HACD1: variants seen among roughly 807,000 people sequenced by gnomAD.
HACD1 encodes the protein very-long-chain (3R)-3-hydroxyacyl-CoA dehydratase 1.
HACD1 carries 41 observed loss-of-function variants against 32.0 expected under a neutral mutation model. That is an observed-to-expected ratio of 1.28 (90% confidence interval 1.00 to 1.66). The LOEUF (loss-of-function observed/expected upper bound fraction) is 1.66, where lower values mean the gene tolerates loss of function less well. Ranked by LOEUF, HACD1 falls within the 40% of genes most tolerant of loss-of-function variation. HACD1 has a pLI of 0.00. For synonymous variants in HACD1, 142 were observed against 139.0 expected, an observed-to-expected ratio of 1.02 and a Z score of -0.15; for missense variants, 396 against 380.1, an observed-to-expected ratio of 1.04 and a Z score of -0.35.
At chr10:17,616,978 C>T in intron 1 of HACD1, 105 bp downstream of exon 1, 6 of 1,204,648 alleles carry the variant, frequency 5.0e-6, no homozygotes, top group Non-Finnish European at 6.3e-6. Flanking sequence ...CGGCCGCTGC[C>T]CGCACCCCCC....
chr10:17,602,196 T>A (rs1588988288), intron 4 of HACD1, among the ~76,000 whole-genome samples: 1 of 151,884 alleles, frequency 6.6e-6, no homozygotes, highest in South Asian at 2.1e-4. Flanking sequence ...CAGCCTCCCG[T>A]GTAGCTGGGA....
At chr10:17,612,105 CAAAAA>C (rs34058469) in intron 1 of HACD1, among the ~76,000 whole-genome samples, 1 of 105,112 alleles carries the variant, frequency 9.5e-6, no homozygotes, top group Admixed American at 1.0e-4. Flanking sequence ...AACTCCATCT[CAAAAA>C]AAAAAAAAAA....
intron 1 of HACD1, among the ~76,000 whole-genome samples, chr10:17,609,145 T>C (rs1466293690): frequency 6.7e-6 from 1 of 148,212 alleles, no homozygotes; most frequent in Non-Finnish European, 1.5e-5. Context: ...AGAAAAAAAA[T>C]GTGCAAAAGG....
intron 5 of HACD1, among the ~76,000 whole-genome samples, chr10:17,597,901 C>T (rs1288773562): frequency 1.3e-5 from 2 of 152,024 alleles, no homozygotes; most frequent in Non-Finnish European, 2.9e-5. Context: ...AGTATCTCAT[C>T]ATATACAAAG....
Position 17,617,251 on chromosome 10 carries a change from G to C in HACD1, c.89C>G (p.Ser30Cys). 1 of 1,480,198 alleles carries C rather than the reference G, an allele frequency of 6.8e-7. No individual in the cohort carries two copies. Among genetic ancestry groups the C allele is most frequent in the Non-Finnish European group, 8.9e-7 (1 of 1,121,002 alleles). The allele number at this position is 1,480,198 out of a possible 1,614,324, so 91.7% of individuals were successfully genotyped here. Residue 30 changes from serine to cysteine, a missense_variant, in exon 1 of 7, where the codon TCT (serine) becomes TGT (cysteine). Physicochemically the swap from Ser to Cys is moderately radical, Grantham distance 112. Transcript: ENST00000361271. ...GGCCGCGCACCTGGGGGACGTGGGA[G>C]ACAGCGGCAGGAGCGTGGGAGGGGA... ...AGSPPTLLPL[S>C]PTSPRCAATM... is the part of the protein sequence containing the mutation.
rs1365734062 is a variant in HACD1 at position 17,589,135 on chromosome 10, C to A, written c.*1229G>T. ...GAAAGGAGTCTGTCCAAAGATCATACCCCAAAATGTTTAGTTACCTAAGTA... is the reference window on the plus strand; with the variant it reads ...GAAAGGAGTCTGTCCAAAGATCATAACCCAAAATGTTTAGTTACCTAAGTA... On this transcript the variant is annotated 3_prime_UTR_variant, in exon 7 of 7. Transcript: ENST00000361271. The A allele has an allele frequency of 6.6e-6, 1 of 152,064 alleles. No homozygotes were observed. The highest frequency in any genetic ancestry group is 1.5e-5 in the Non-Finnish European group (1 of 68,018). 9.4% of individuals were successfully genotyped at this position (152,064 alleles called of 1,614,324 possible). A position where few individuals can be genotyped will look rare whatever the true frequency, so the allele number is the denominator to read the frequency against.
In HACD1 at chr10:17,617,114, G is replaced by C; in HGVS notation, c.226C>G (p.Leu76Val). 6.7e-7 allele frequency: 1 copy of C among 1,503,418 alleles called. No individual in the cohort carries two copies. The highest frequency in any genetic ancestry group is 8.9e-7 in the Non-Finnish European group (1 of 1,129,166). 93.1% of individuals were successfully genotyped at this position (1,503,418 alleles called of 1,614,324 possible). A position where few individuals can be genotyped will look rare whatever the true frequency, so the allele number is the denominator to read the frequency against. Residue 76 changes from leucine (L) to valine (V), a missense_variant, in exon 1 of 7, where the codon CTC becomes GTC. Transcript: ENST00000361271. ...RRLGVLATAWLTFYDIAMTAG... is the reference protein window; with the variant it reads ...RRLGVLATAWVTFYDIAMTAG... ...GTCATGGCGATGTCGTAGAAGGTGAGCCAGGCGGTGGCCAAGACCCCCAGG... is the reference window on the plus strand; with the variant it reads ...GTCATGGCGATGTCGTAGAAGGTGACCCAGGCGGTGGCCAAGACCCCCAGG...
At chr10:17,615,493 T>C (rs1833062840) in intron 1 of HACD1, 1 of 155,208 alleles carries the variant, frequency 6.4e-6, no homozygotes, top group Non-Finnish European at 1.4e-5. Context: ...TAGGTAAAGA[T>C]TTATTAAATT....
Position 17,615,924 on chromosome 10 carries a change from C to T in HACD1, c.257+1159G>A, listed in dbSNP as rs537403844. On this transcript the variant is annotated intron_variant, in intron 1 of 6. Coordinates refer to ENST00000361271, the MANE Select transcript of HACD1 (RefSeq NM_014241.4). ...TGAGGTTGGCAGTGAGCGGAGATCG[C>T]GCCAATGCACTCCAGCCTGGGCGAC... 8.9e-5 allele frequency: 34 copies of T among 380,906 alleles called. No individual in the cohort carries two copies. In the East Asian group the frequency reaches 1.6e-3, roughly 18 times the overall value. The allele number at this position is 380,906 out of a possible 1,614,324, so 23.6% of individuals were successfully genotyped here.
chr10:17,596,157 G>A lies in HACD1; in HGVS notation c.606-1774C>T, dbSNP rs1833992863. Among the ~76,000 whole-genome samples the A allele has an allele frequency of 2.0e-5, 3 of 152,126 alleles. No homozygotes were observed. The South Asian group carries it at 6.2e-4, about 32-fold the overall frequency. On this transcript the variant is annotated intron_variant, in intron 5 of 6. Transcript: ENST00000361271. ...AAGTTGTCAGTATTGAAGAAGCTTG[G>A]AGACAAATTAAAAATTGCATTATTC...
intron 1 of HACD1, among the ~76,000 whole-genome samples, chr10:17,615,180 G>A (rs1453651769): frequency 5.3e-5 from 8 of 152,252 alleles, no homozygotes; most frequent in African/African-American, 1.9e-4. Flanking sequence ...CACTTTCCAA[G>A]AGTATAATTT....
In HACD1 at chr10:17,617,158, G is replaced by T; in HGVS notation, c.182C>A (p.Ala61Asp). The T allele has an allele frequency of 1.3e-6, 2 of 1,505,960 alleles. No individual in the cohort carries two copies. 93.3% of individuals were successfully genotyped at this position (1,505,960 alleles called of 1,614,324 possible). ...GASEAGEDRE[A>D]PGERRRLGVL... ...CCCCAGGCGCCTCCGCTCGCCGGGA[G>T]CCTCCCGGTCCTCGCCGGCCTCCGA... Residue 61 changes from alanine to aspartate, a missense_variant, in exon 1 of 7, where the codon GCT (alanine) becomes GAT (aspartate). By Grantham distance (126) the Ala-to-Asp change is moderately radical. Transcript: ENST00000361271.
chr10:17,615,452 T>C (rs927694551), intron 1 of HACD1: 6 of 154,212 alleles, frequency 3.9e-5, no homozygotes, highest in African/African-American at 1.4e-4. Context: ...CAATATCATA[T>C]GCTAAGCACA....
intron 6 of HACD1, among the ~76,000 whole-genome samples, chr10:17,591,664 C>G (rs1833929421): frequency 6.6e-6 from 1 of 152,138 alleles, no homozygotes; most frequent in Non-Finnish European, 1.5e-5. Context: ...TTAATATCAG[C>G]TATAAACAAT....
At chr10:17,606,181 G>A (rs1834145492) in intron 1 of HACD1, among the ~76,000 whole-genome samples, 2 of 151,992 alleles carry the variant, frequency 1.3e-5, no homozygotes, top group South Asian at 4.2e-4. Context: ...AAAAAAACAA[G>A]AGAGAGAGAA....
chr10:17,593,564 C>T (rs1315563055), intron 6 of HACD1, among the ~76,000 whole-genome samples: 1 of 152,234 alleles, frequency 6.6e-6, no homozygotes, highest in South Asian at 2.1e-4. Flanking sequence ...ATCCACCTGC[C>T]TCGGCCTCCC....
At chr10:17,612,786 G>T (rs1424966796) in intron 1 of HACD1, among the ~76,000 whole-genome samples, 2 of 152,014 alleles carry the variant, frequency 1.3e-5, no homozygotes, top group African/African-American at 4.8e-5. Flanking sequence ...GCCGGGCGTG[G>T]TGGCGGGCGC....
chr10:17,610,064 C>T (rs1834210889), intron 1 of HACD1, among the ~76,000 whole-genome samples: 1 of 151,690 alleles, frequency 6.6e-6, no homozygotes, highest in Non-Finnish European at 1.5e-5. Context: ...AGGTATTTAC[C>T]CAAGCAAAAC....
chr10:17,595,501 A>G (rs530436451), intron 5 of HACD1, among the ~76,000 whole-genome samples: 1 of 152,164 alleles, frequency 6.6e-6, no homozygotes, highest in Non-Finnish European at 1.5e-5. Context: ...TCCCACATTA[A>G]AAGAAGAGTG....
Sources: allele counts gnomAD v4.1 joint callset (sites outside exome capture counted in the v4.1 genomes callset), GRCh38; gene constraint gnomAD v4.1.1; transcripts MANE v1.5; gene names NCBI Gene and HGNC (gene_info 2026-07-23, HGNC 2026-07-21).